Variants in EIF4G3 observed in about 807,000 individuals in gnomAD.
EIF4G3 encodes the protein eukaryotic translation initiation factor 4 gamma 3.
Under a neutral mutation model 186.4 loss-of-function variants are expected in EIF4G3, and 34 were observed. The ratio of observed to expected loss-of-function variants is 0.18; its 90% CI spans 0.14 to 0.24. The LOEUF (loss-of-function observed/expected upper bound fraction) is 0.24, where lower values mean the gene tolerates loss of function less well. EIF4G3 is among the 10% of genes least tolerant of loss of function. The probability of loss-of-function intolerance (pLI) is 1.00; values close to 1 mark genes in which losing one functional copy is unlikely to be tolerated. For synonymous variants in EIF4G3, 673 were observed against 679.5 expected (o/e 0.99, Z 0.15); for missense variants, 1,536 against 1,948.5 (o/e 0.79, Z 3.99).
intron 2 of EIF4G3, among the ~76,000 whole-genome samples, chr1:21,155,751 T>G (rs979006514): frequency 6.6e-6 from 1 of 152,144 alleles, no homozygotes; most frequent in African/African-American, 2.4e-5. Flanking sequence ...AATATATGAT[T>G]ATAGAAAATA....
chr1:20,812,294 C>G (rs1269554726), intron 35 of EIF4G3, among the ~76,000 whole-genome samples: 1 of 152,128 alleles, frequency 6.6e-6, no homozygotes, highest in Non-Finnish European at 1.5e-5. Flanking sequence ...TTGGACTTCC[C>G]AACTCGAATT....
chr1:21,153,955 C>T (rs1167103446), intron 2 of EIF4G3, among the ~76,000 whole-genome samples: 3 of 152,074 alleles, frequency 2.0e-5, no homozygotes, highest in African/African-American at 7.2e-5. Flanking sequence ...TTGGGTTTCA[C>T]AGGCCAGTAA....
At chr1:20,879,153 C>T (rs749652510) in intron 20 of EIF4G3, among the ~76,000 whole-genome samples, 170 bp downstream of exon 20, 4 of 152,064 alleles carry the variant, frequency 2.6e-5, no homozygotes, top group East Asian at 1.9e-4. Context: ...GGGGAGTATA[C>T]GTTTTAATAA....
chr1:20,817,261 TAAA>T (rs916924003), intron 34 of EIF4G3, 128 bp downstream of exon 34: 2 of 298,328 alleles, frequency 6.7e-6, no homozygotes, highest in Non-Finnish European at 9.6e-6. Context: ...AATAAATAAA[TAAA>T]AAAATAAATA....
chr1:20,854,724 A>T (rs1340047762), intron 26 of EIF4G3, among the ~76,000 whole-genome samples: 1 of 151,176 alleles, frequency 6.6e-6, no homozygotes, highest in Non-Finnish European at 1.5e-5. Context: ...TAAATAAATA[A>T]ATAAATAAAT....
At position 21,035,603 on chromosome 1, in the gene EIF4G3, T is replaced by A. The variant is rs565949091; in HGVS notation, c.-67+15263A>T. 2.6e-5 allele frequency among the ~76,000 whole-genome samples: 4 copies of A among 152,314 alleles called. No homozygotes were observed. The East Asian group carries it at 7.7e-4, about 29-fold the overall frequency. ...CTCAGGGCAGCACTGACCCGCTGGG[T>A]CCCTTCCAGCTTGGCCCCTCCAAAC... On this transcript the variant is annotated intron_variant, in intron 4 of 36. Transcript: ENST00000602326.
At chr1:21,071,353 T>C (rs1311452731) in intron 3 of EIF4G3, among the ~76,000 whole-genome samples, 2 of 151,184 alleles carry the variant, frequency 1.3e-5, no homozygotes, top group East Asian at 3.9e-4. Context: ...TCAAAGTTAA[T>C]TACAGTGAAC....
rs200456118 is a variant in EIF4G3 at position 21,131,560 on chromosome 1, A to C, written c.-271-42347T>G. On this transcript the variant is annotated intron_variant, in intron 2 of 36. Coordinates refer to ENST00000602326, the MANE Select transcript of EIF4G3 (RefSeq NM_001391906.1). ...AACACACAAGCCTGGAAACATCAAA[A>C]TCAAACAGCATGAAGGCAGCAAGAA... Among the ~76,000 whole-genome samples, 10 of 152,278 alleles carry C rather than the reference A, an allele frequency of 6.6e-5. 1 individual carries two copies. The East Asian group carries it at 1.9e-3, about 29-fold the overall frequency.
intron 4 of EIF4G3, among the ~76,000 whole-genome samples, chr1:21,018,303 C>T (rs771664018): frequency 5.3e-5 from 8 of 152,146 alleles, no homozygotes; most frequent in Middle Eastern, 3.4e-3. Flanking sequence ...TAAGGTGAGC[C>T]GGGCACAGTG....
chr1:20,934,832 C>T (rs1239843653), intron 14 of EIF4G3, among the ~76,000 whole-genome samples: 1 of 152,094 alleles, frequency 6.6e-6, no homozygotes, highest in Non-Finnish European at 1.5e-5. Context: ...TAATCCCCCT[C>T]GTCTTTGCTC....
chr1:21,007,538 C>CAAAAAAAAAAAAATAAAAAA (rs1471121881), intron 4 of EIF4G3, among the ~76,000 whole-genome samples: 1 of 58,488 alleles, frequency 1.7e-5, no homozygotes, highest in Non-Finnish European at 3.4e-5. Flanking sequence ...AAAAAAAAAA[C>CAAAAAAAAAAAAATAAAAAA]ACACTCAAAA....
intron 33 of EIF4G3, among the ~76,000 whole-genome samples, chr1:20,822,477 T>C (rs2062664765): frequency 6.6e-6 from 1 of 150,936 alleles, no homozygotes; most frequent in Admixed American, 6.6e-5. Context: ...GCTTTTGATT[T>C]CACTGGTCTT....
At chr1:20,859,543 G>A (rs768910085) in intron 24 of EIF4G3, among the ~76,000 whole-genome samples, 3 of 152,118 alleles carry the variant, frequency 2.0e-5, no homozygotes, top group Non-Finnish European at 4.4e-5. Context: ...ATGGACTATC[G>A]TCTCAGGTTT....
intron 4 of EIF4G3, among the ~76,000 whole-genome samples, chr1:21,022,398 T>C (rs1024801386): frequency 6.6e-6 from 1 of 152,200 alleles, no homozygotes; most frequent in Admixed American, 6.5e-5. Flanking sequence ...GTGACTCCCG[T>C]AGTACTTACT....
chr1:21,115,266 T>C lies in EIF4G3; in HGVS notation c.-271-26053A>G, dbSNP rs76695418. On this transcript the variant is annotated intron_variant, in intron 2 of 36. Transcript: ENST00000602326. The stretch of plus-strand genomic sequence containing the variant: ...ACCCACAGAGGACACTGCAGGGTTA[T>C]TGGCCTAATTTCAATATATCTCAGG... Among the ~76,000 whole-genome samples the C allele has an allele frequency of 1.8e-3, 280 of 152,274 alleles. 1 individual carries two copies. The highest frequency in any genetic ancestry group is 6.4e-3 in the African/African-American group (266 of 41,552).
chr1:20,832,596 C>A (rs1230647876), intron 30 of EIF4G3, among the ~76,000 whole-genome samples: 32 of 145,398 alleles, frequency 2.2e-4, no homozygotes, highest in African/African-American at 2.6e-4. Flanking sequence ...TTTTGCTGTG[C>A]AGAAGCTCTT....
intron 14 of EIF4G3, among the ~76,000 whole-genome samples, chr1:20,936,296 C>T (rs2095515186): frequency 6.6e-6 from 1 of 152,132 alleles, no homozygotes; most frequent in Non-Finnish European, 1.5e-5. Flanking sequence ...TGGAGAAAAC[C>T]TTTATTTATC....
At position 21,145,424 on chromosome 1, in the gene EIF4G3, T is replaced by G. The variant is rs146500650; in HGVS notation, c.-272+30751A>C. 5.5e-3 allele frequency among the ~76,000 whole-genome samples: 836 copies of G among 152,014 alleles called. 8 individuals carry two copies. The highest frequency in any genetic ancestry group is 0.019 in the African/African-American group (805 of 41,508). The stretch of plus-strand genomic sequence containing the variant: ...AACATACCTCTTAAAAGTGTCCAGT[T>G]TATTTTATGCCTTTTTTTTTTTTAA... On this transcript the variant is annotated intron_variant, in intron 2 of 36. Transcript: ENST00000602326.
At chr1:20,863,304 A>G (rs542730216) in intron 22 of EIF4G3, among the ~76,000 whole-genome samples, 7 of 151,386 alleles carry the variant, frequency 4.6e-5, no homozygotes, top group South Asian at 4.2e-4. Flanking sequence ...AGGCCAAGGC[A>G]AAAGGACTGC....
Sources: gnomAD v4.1 joint callset for allele counts (sites outside exome capture counted in the v4.1 genomes callset) on GRCh38, gnomAD v4.1.1 for gene constraint, MANE v1.5 for transcripts, NCBI Gene and HGNC (gene_info 2026-07-23, HGNC 2026-07-21) for gene names.